PLCE1: variants seen among roughly 807,000 people sequenced by gnomAD.
PLCE1 encodes the protein 1-phosphatidylinositol 4,5-bisphosphate phosphodiesterase epsilon-1.
In PLCE1, 119 loss-of-function variants were observed where a neutral mutation model predicts 242.8. That is an observed-to-expected ratio of 0.49 (90% CI 0.42 to 0.57). The LOEUF (loss-of-function observed/expected upper bound fraction) is 0.57. Among genes scored for constraint, PLCE1 ranks in the 20% least tolerant of loss-of-function variants. The probability of loss-of-function intolerance (pLI) is 0.00; values close to 1 mark genes in which losing one functional copy is unlikely to be tolerated. For synonymous variants in PLCE1, 945 were observed against 1,017.4 expected (o/e 0.93, Z 1.35); for missense variants, 2,441 against 2,788.8 (o/e 0.88, Z 2.81).
At chr10:93,996,441 G>A (rs1291490049) in intron 1 of PLCE1, among the ~76,000 whole-genome samples, 1 of 152,188 alleles carries the variant, frequency 6.6e-6, no homozygotes, top group African/African-American at 2.4e-5. Context: ...TCTGGAAGAG[G>A]GGTGGAAGGT....
At chr10:94,200,799 T>C (rs1035569424) in intron 4 of PLCE1, among the ~76,000 whole-genome samples, 2 of 152,176 alleles carry the variant, frequency 1.3e-5, no homozygotes, top group Non-Finnish European at 2.9e-5. Flanking sequence ...GGATATAATG[T>C]GATGGGAATT....
intron 4 of PLCE1, among the ~76,000 whole-genome samples, chr10:94,208,226 G>A (rs1238920234): frequency 2.0e-5 from 3 of 152,196 alleles, no homozygotes; most frequent in African/African-American, 7.2e-5. Context: ...CACCAGTGAT[G>A]CAAAAGTTCC....
intron 7 of PLCE1, among the ~76,000 whole-genome samples, chr10:94,238,186 C>G (rs1413722005): frequency 6.6e-6 from 1 of 152,158 alleles, no homozygotes; most frequent in African/African-American, 2.4e-5. Flanking sequence ...TTTGGGAGGC[C>G]AAGGCAGGTA....
intron 4 of PLCE1, among the ~76,000 whole-genome samples, chr10:94,179,512 G>GTTTTTTGTTTTTT (rs1554877548): frequency 1.0e-4 from 2 of 19,398 alleles, no homozygotes; most frequent in Admixed American, 8.8e-4. Context: ...TTTTAGTTTA[G>GTTTTTTGTTTTTT]TTTTTTTTTT....
intron 3 of PLCE1, among the ~76,000 whole-genome samples, chr10:94,158,954 T>G (rs1184856990): frequency 6.7e-6 from 1 of 150,242 alleles, no homozygotes; most frequent in Non-Finnish European, 1.5e-5. Context: ...CCTCCTGGGT[T>G]CGAGCGATTC....
chr10:94,087,876 AC>A (rs1189160136), intron 2 of PLCE1, among the ~76,000 whole-genome samples: 3 of 152,196 alleles, frequency 2.0e-5, no homozygotes, highest in African/African-American at 7.2e-5. Context: ...TGGAGGTGCC[AC>A]CTTCCTTGCA....
chr10:94,236,782 T>G (rs537022806), intron 7 of PLCE1, among the ~76,000 whole-genome samples: 12 of 152,338 alleles, frequency 7.9e-5, no homozygotes, highest in African/African-American at 2.6e-4. Flanking sequence ...AATCTATATA[T>G]AGAGAGAAGA....
At chr10:94,191,149 C>T (rs1200279105) in intron 4 of PLCE1, among the ~76,000 whole-genome samples, 1 of 152,144 alleles carries the variant, frequency 6.6e-6, no homozygotes. Context: ...TCATATTACC[C>T]TGAGCCAGGG....
intron 5 of PLCE1, among the ~76,000 whole-genome samples, chr10:94,232,973 A>T (rs544620616): frequency 6.6e-6 from 1 of 152,300 alleles, no homozygotes; most frequent in Admixed American, 6.5e-5. Flanking sequence ...TGCCCCCTGC[A>T]CTTGGGGTGA....
intron 2 of PLCE1, among the ~76,000 whole-genome samples, chr10:94,055,011 CAAAAA>C (rs71306823): frequency 2.2e-5 from 2 of 91,200 alleles, no homozygotes. Context: ...GACTCCATCT[CAAAAA>C]AAAAAAAAAA....
intron 2 of PLCE1, among the ~76,000 whole-genome samples, chr10:94,089,608 A>G (rs1340963621): frequency 6.6e-6 from 1 of 152,214 alleles, no homozygotes; most frequent in Non-Finnish European, 1.5e-5. Context: ...TGTGCAATTC[A>G]GCTTTGAGAT....
At chr10:94,155,190 G>A (rs1057168846) in intron 3 of PLCE1, among the ~76,000 whole-genome samples, 5 of 151,962 alleles carry the variant, frequency 3.3e-5, no homozygotes, top group East Asian at 3.9e-4. Flanking sequence ...CCAAATGCTC[G>A]TAACAACATT....
chr10:94,200,764 A>G lies in PLCE1; in HGVS notation c.1810-26542A>G, dbSNP rs148691258. 3.9e-5 allele frequency among the ~76,000 whole-genome samples: 6 copies of G among 152,336 alleles called. 1 individual carries two copies. The highest frequency in any genetic ancestry group is 2.1e-4 in the South Asian group (1 of 4,826). On this transcript the variant is annotated intron_variant, in intron 4 of 32. Transcript: ENST00000371380. ...GATCAAGGTCAACATCAACAGGGACACATTCTGTTGATAGTGTGTGCCCTG... is the reference window on the plus strand; with the variant it reads ...GATCAAGGTCAACATCAACAGGGACGCATTCTGTTGATAGTGTGTGCCCTG...
At chr10:94,101,331 G>GA (rs1051064202) in intron 2 of PLCE1, among the ~76,000 whole-genome samples, 15 of 149,896 alleles carry the variant, frequency 1.0e-4, no homozygotes, top group African/African-American at 2.7e-4. Context: ...TAAAGCTGAG[G>GA]AAAAAAAAAT....
intron 1 of PLCE1, among the ~76,000 whole-genome samples, chr10:94,017,076 T>C (rs944787047): frequency 6.6e-6 from 1 of 152,166 alleles, no homozygotes. Context: ...CACACCTGCA[T>C]TTCCCTTGAC....
intron 4 of PLCE1, among the ~76,000 whole-genome samples, chr10:94,221,434 A>G (rs980634226): frequency 1.3e-5 from 2 of 152,206 alleles, no homozygotes; most frequent in Admixed American, 6.5e-5. Flanking sequence ...CACATAAACT[A>G]CTTGAAAGTA....
chr10:94,232,155 A>C (rs1405493501), intron 5 of PLCE1, among the ~76,000 whole-genome samples: 1 of 152,190 alleles, frequency 6.6e-6, no homozygotes, highest in Non-Finnish European at 1.5e-5. Context: ...GGAGGAATAC[A>C]CTAGGGCCTC....
At chr10:94,117,392 C>T (rs74151046) in intron 2 of PLCE1, among the ~76,000 whole-genome samples, 3,599 of 152,304 alleles carry the variant, frequency 0.024, 138 homozygotes, top group African/African-American at 0.082. Context: ...TGACTGTCTT[C>T]TTTGACTCCT....
intron 18 of PLCE1, among the ~76,000 whole-genome samples, chr10:94,271,151 C>T (rs140041836): frequency 6.6e-6 from 1 of 151,964 alleles, no homozygotes; most frequent in Non-Finnish European, 1.5e-5. Context: ...GTCTCCTTAC[C>T]CTTTCCAGAA....
Sources: allele counts gnomAD v4.1 joint callset (sites outside exome capture counted in the v4.1 genomes callset), GRCh38; gene constraint gnomAD v4.1.1; transcripts MANE v1.5; gene names NCBI Gene and HGNC (gene_info 2026-07-23, HGNC 2026-07-21).